The following BRINP2 variants were observed in gnomAD, a reference collection of about 807,000 sequenced individuals.
The protein encoded by BRINP2 is BMP/retinoic acid inducible neural specific 2, also known as BMP/retinoic acid-inducible neural-specific protein 2.
BRINP2 carries 21 observed loss-of-function variants against 69.2 expected under a neutral mutation model. The ratio of observed to expected loss-of-function variants is 0.30; its 90% CI spans 0.22 to 0.44. The LOEUF is 0.44. BRINP2 is among the 20% of genes least tolerant of loss of function. The pLI is 1.00. For synonymous variants in BRINP2, 380 were observed against 394.1 expected (o/e 0.96, Z 0.42); for missense variants, 877 against 986.0 (o/e 0.89, Z 1.48).
chr1:177,252,786 C>T (rs1251671937), intron 2 of BRINP2, among the ~76,000 whole-genome samples: 1 of 152,074 alleles, frequency 6.6e-6, no homozygotes, highest in African/African-American at 2.4e-5. Context: ...ATGAGATCAA[C>T]TTTTTTAGAC....
At chr1:177,237,541 T>C (rs1650067344) in intron 2 of BRINP2, among the ~76,000 whole-genome samples, 2 of 152,224 alleles carry the variant, frequency 1.3e-5, no homozygotes, top group Non-Finnish European at 1.5e-5. Context: ...ATACCCAGGT[T>C]AGCCACCCTG....
rs925548212 is a variant in BRINP2 at position 177,270,382 on chromosome 1, C to T, written c.670-3106C>T. Among the ~76,000 whole-genome samples the T allele has an allele frequency of 2.6e-5, 4 of 152,144 alleles. 1 individual carries two copies. The highest frequency in any genetic ancestry group is 2.0e-4 in the Admixed American group (3 of 15,276). ...CAATTAAAGTGAAGTTACTCACACC[C>T]TTTTAATGACTTACCTAATTGATTG... is the stretch of plus-strand genomic sequence containing the variant. On this transcript the variant is annotated intron_variant, in intron 4 of 7. Coordinates refer to ENST00000361539, the MANE Select transcript of BRINP2 (RefSeq NM_021165.4).
Position 177,190,096 on chromosome 1 carries a change from C to T in BRINP2, c.-77+18364C>T, listed in dbSNP as rs11804658. On this transcript the variant is annotated intron_variant, in intron 1 of 7. Coordinates refer to ENST00000361539, the MANE Select transcript of BRINP2 (RefSeq NM_021165.4). ...AATTCAAGCTTCCTCAGAATACCCT[C>T]ATCTTTTCTTTTCTGCTAGGCTGAC... Among the ~76,000 whole-genome samples the T allele has an allele frequency of 4.9e-3, 752 of 152,278 alleles. 7 individuals carry two copies. Among genetic ancestry groups the T allele is most frequent in the African/African-American group, 0.017 (721 of 41,554 alleles).
intron 1 of BRINP2, among the ~76,000 whole-genome samples, chr1:177,203,472 G>T (rs1167744675): frequency 1.3e-5 from 2 of 151,222 alleles, no homozygotes; most frequent in African/African-American, 4.9e-5. Flanking sequence ...AAAACTTAAA[G>T]TATAATAACG....
At chr1:177,256,374 G>C in intron 3 of BRINP2, 1 of 985,408 alleles carries the variant, frequency 1.0e-6, no homozygotes, top group Non-Finnish European at 1.2e-6. Context: ...GCCAGCAGGG[G>C]GCACTCCCAG....
chr1:177,192,506 T>C (rs1301946900), intron 1 of BRINP2, among the ~76,000 whole-genome samples: 1 of 152,224 alleles, frequency 6.6e-6, no homozygotes, highest in South Asian at 2.1e-4. Flanking sequence ...ACTTATTTTT[T>C]TCCCCTTACT....
chr1:177,172,316 C>T (rs1647960545), intron 1 of BRINP2, among the ~76,000 whole-genome samples: 1 of 152,188 alleles, frequency 6.6e-6, no homozygotes, highest in Non-Finnish European at 1.5e-5. Context: ...TGACTTGAGC[C>T]TGGCAGAGCA....
chr1:177,245,214 G>A (rs1157606643), intron 2 of BRINP2, among the ~76,000 whole-genome samples: 1 of 151,950 alleles, frequency 6.6e-6, no homozygotes, highest in African/African-American at 2.4e-5. Flanking sequence ...TACTCTCAGT[G>A]GCTCAGAATA....
intron 1 of BRINP2, among the ~76,000 whole-genome samples, chr1:177,187,704 A>G (rs891561736): frequency 6.6e-6 from 1 of 152,146 alleles, no homozygotes; most frequent in Non-Finnish European, 1.5e-5. Context: ...TTGAACAGTG[A>G]ATGTTGTATT....
chr1:177,231,306 G>A (rs973794429), intron 2 of BRINP2, among the ~76,000 whole-genome samples: 7 of 152,206 alleles, frequency 4.6e-5, no homozygotes, highest in African/African-American at 1.2e-4. Flanking sequence ...GGATTAGCTC[G>A]CAAGTAGGCA....
chr1:177,174,812 G>T (rs540023642), intron 1 of BRINP2, among the ~76,000 whole-genome samples: 2 of 152,202 alleles, frequency 1.3e-5, no homozygotes, highest in African/African-American at 2.4e-5. Context: ...ACAGGAAGTT[G>T]CCCTAGAACC....
intron 4 of BRINP2, among the ~76,000 whole-genome samples, chr1:177,262,108 A>T (rs145702979): frequency 2.0e-5 from 3 of 152,332 alleles, no homozygotes; most frequent in Non-Finnish European, 2.9e-5. Flanking sequence ...TCCTTTTGCT[A>T]TGAAGGCAAA....
chr1:177,179,963 C>T (rs1483629179), intron 1 of BRINP2, among the ~76,000 whole-genome samples: 1 of 152,042 alleles, frequency 6.6e-6, no homozygotes, highest in Non-Finnish European at 1.5e-5. Flanking sequence ...CACGCACACC[C>T]CGTATATACA....
chr1:177,280,121 T>TA (rs1028591215), intron 7 of BRINP2, among the ~76,000 whole-genome samples: 7 of 152,310 alleles, frequency 4.6e-5, no homozygotes, highest in African/African-American at 1.7e-4. Context: ...AGATCCTCTG[T>TA]AGGTTTTTGA....
intron 2 of BRINP2, among the ~76,000 whole-genome samples, chr1:177,242,511 C>G: frequency 6.6e-6 from 1 of 152,294 alleles, no homozygotes; most frequent in Non-Finnish European, 1.5e-5. Context: ...CCCAAAAGCT[C>G]TTTATCTCCT....
rs187899222 is a variant in BRINP2, at chr1:177,206,976, T to C, written c.-76-22825T>C. 4.6e-5 allele frequency among the ~76,000 whole-genome samples: 7 copies of C among 152,182 alleles called. No homozygotes were observed. In the East Asian group the frequency reaches 1.4e-3, roughly 29 times the overall value. ...ATGGTGTTAGAGTTAGAGGAAAACA[T>C]AACAACCACAGGAGAGGGAGATTTC... On this transcript the variant is annotated intron_variant, in intron 1 of 7. Transcript: ENST00000361539.
intron 1 of BRINP2, among the ~76,000 whole-genome samples, chr1:177,210,202 TAGTGCTTTTC>T (rs1173354488): frequency 6.6e-6 from 1 of 152,216 alleles, no homozygotes; most frequent in African/African-American, 2.4e-5. Context: ...AATATTTATC[TAGTGCTTTTC>T]AGTCATATAA....
intron 2 of BRINP2, among the ~76,000 whole-genome samples, chr1:177,251,994 T>C (rs1223826451): frequency 6.6e-6 from 1 of 152,170 alleles, no homozygotes; most frequent in African/African-American, 2.4e-5. Flanking sequence ...CCCTAAGGTT[T>C]TTTGTTTGTT....
chr1:177,251,947 A>G (rs1171731233), intron 2 of BRINP2, among the ~76,000 whole-genome samples: 1 of 152,206 alleles, frequency 6.6e-6, no homozygotes, highest in Non-Finnish European at 1.5e-5. Flanking sequence ...AAGTCTAGAC[A>G]TGCCCTATCC....
Sources: gnomAD v4.1 joint callset for allele counts (sites outside exome capture counted in the v4.1 genomes callset) on GRCh38, gnomAD v4.1.1 for gene constraint, MANE v1.5 for transcripts, NCBI Gene and HGNC (gene_info 2026-07-23, HGNC 2026-07-21) for gene names.